SCN1A: variants seen among roughly 807,000 people sequenced by gnomAD.
SCN1A encodes the protein sodium channel protein type 1 subunit alpha.
A neutral mutation model predicts 193.7 loss-of-function variants in SCN1A; 13 were observed. The ratio of observed to expected loss-of-function variants is 0.07; its 90% CI spans 0.04 to 0.11. SCN1A has a LOEUF of 0.11. Ranked by LOEUF, SCN1A falls within the 10% of genes least tolerant of loss-of-function variation. The pLI, the probability that SCN1A is intolerant of heterozygous loss-of-function variation, is 1.00. For synonymous variants in SCN1A, 781 were observed against 843.6 expected, an observed-to-expected ratio of 0.93 and a Z score of 1.29; for missense variants, 1,432 against 2,451.1, an observed-to-expected ratio of 0.58 and a Z score of 8.78.
chr2:166,099,108 CA>C (rs1200965759), intron 2 of SCN1A, among the ~76,000 whole-genome samples: 1 of 152,148 alleles, frequency 6.6e-6, no homozygotes, highest in African/African-American at 2.4e-5. Flanking sequence ...AACTATAATA[CA>C]AGTCTACAGT....
At chr2:166,084,206 A>C (rs1574419591) in intron 2 of SCN1A, among the ~76,000 whole-genome samples, 1 of 143,066 alleles carries the variant, frequency 7.0e-6, no homozygotes, top group Non-Finnish European at 1.5e-5. Flanking sequence ...GCTCTCCTTT[A>C]TTCTCAATTT....
chr2:166,117,767 C>T (rs1007345328), intron 2 of SCN1A, among the ~76,000 whole-genome samples: 2 of 152,096 alleles, frequency 1.3e-5, no homozygotes, highest in Admixed American at 1.3e-4. Context: ...GAGGCCAAGG[C>T]AGGCGGATCA....
chr2:166,015,872 G>A, intron 19 of SCN1A, 145 bp from the exon 20 acceptor site: 1 of 815,982 alleles, frequency 1.2e-6, no homozygotes, highest in Non-Finnish European at 2.0e-6. Context: ...TGAATAAGGG[G>A]AAGAAATAAG....
At chr2:165,998,264 T>G in intron 25 of SCN1A, 89 bp from the exon 26 acceptor site, 1 of 1,133,868 alleles carries the variant, frequency 8.8e-7, no homozygotes, top group Non-Finnish European at 1.3e-6. Flanking sequence ...TAGAAAAAAT[T>G]ATTCTTACTA....
chr2:166,117,525 A>G (rs1473044034), intron 2 of SCN1A, among the ~76,000 whole-genome samples: 1 of 152,178 alleles, frequency 6.6e-6, no homozygotes, highest in African/African-American at 2.4e-5. Flanking sequence ...CACTGTCTTG[A>G]TAAGTGTTAA....
At chr2:166,142,318 T>A (rs1007808398) in intron 1 of SCN1A, among the ~76,000 whole-genome samples, 1 of 152,210 alleles carries the variant, frequency 6.6e-6, no homozygotes, top group Non-Finnish European at 1.5e-5. Context: ...GTCAGGGCAT[T>A]GACTGATAAT....
At chr2:166,033,427 A>G (rs1044496465) in intron 19 of SCN1A, among the ~76,000 whole-genome samples, 22 of 151,750 alleles carry the variant, frequency 1.4e-4, no homozygotes, top group African/African-American at 4.6e-4. Context: ...GTTCTATTTC[A>G]TTGGCCGGGT....
intron 1 of SCN1A, among the ~76,000 whole-genome samples, chr2:166,144,906 C>T (rs1448915906): frequency 6.7e-6 from 1 of 150,236 alleles, no homozygotes; most frequent in African/African-American, 2.5e-5. Context: ...GGCTAGAGTG[C>T]AGTGGCGTGA....
intron 2 of SCN1A, among the ~76,000 whole-genome samples, chr2:166,084,355 A>T (rs1685870525): frequency 6.6e-6 from 1 of 151,710 alleles, no homozygotes; most frequent in South Asian, 2.1e-4. Flanking sequence ...CATGGTCTAG[A>T]AGTAACTTAA....
At chr2:166,049,133 G>A (rs576602881) in intron 9 of SCN1A, among the ~76,000 whole-genome samples, 184 bp from the exon 10 acceptor site, 1 of 86,754 alleles carries the variant, frequency 1.2e-5, no homozygotes, top group Non-Finnish European at 3.3e-5. Flanking sequence ...ATACTTTACA[G>A]TGCAAAGTAT....
At chr2:166,095,915 AATC>A (rs1217836890) in intron 2 of SCN1A, among the ~76,000 whole-genome samples, 2 of 152,226 alleles carry the variant, frequency 1.3e-5, no homozygotes, top group African/African-American at 4.8e-5. Context: ...GATGTCATAA[AATC>A]ATCATTACTT....
chr2:165,987,364 G>A lies in SCN1A; in HGVS notation c.*3881C>T, dbSNP rs1688676651. The A allele has an allele frequency of 2.0e-5, 3 of 152,136 alleles. No homozygotes were observed. The highest frequency in any genetic ancestry group is 2.0e-4 in the Admixed American group (3 of 15,258). 9.4% of individuals were successfully genotyped at this position (152,136 alleles called of 1,614,324 possible). On this transcript the variant is annotated 3_prime_UTR_variant, in exon 29 of 29. Transcript: ENST00000674923. The stretch of plus-strand genomic sequence containing the variant: ...TTTAAATTTTCTACTTAATAGAGAA[G>A]AGATACTTTAAGATGCTATAAATAC...
intron 1 of SCN1A, among the ~76,000 whole-genome samples, chr2:166,133,045 A>G (rs1691721749): frequency 6.6e-6 from 1 of 152,208 alleles, no homozygotes; most frequent in Non-Finnish European, 1.5e-5. Context: ...TATTAAAAGT[A>G]TTTTAAAAAT....
intron 2 of SCN1A, among the ~76,000 whole-genome samples, chr2:166,080,791 G>C (rs920379335): frequency 6.6e-6 from 1 of 151,464 alleles, no homozygotes; most frequent in Non-Finnish European, 1.5e-5. Flanking sequence ...AGAATTATAA[G>C]GAAAAATTTG....
At chr2:166,138,177 T>A (rs1171328569) in intron 1 of SCN1A, among the ~76,000 whole-genome samples, 1 of 152,120 alleles carries the variant, frequency 6.6e-6, no homozygotes, top group Non-Finnish European at 1.5e-5. Flanking sequence ...GTTTGGAAAA[T>A]TTGCAGCCTG....
Position 166,043,915 on chromosome 2 carries a change from C to G in SCN1A, c.1797G>C (p.Glu599Asp). 2 of 1,614,156 alleles carry G rather than the reference C, an allele frequency of 1.2e-6. No homozygotes were observed. Among genetic ancestry groups the G allele is most frequent in the Non-Finnish European group, 1.7e-6 (2 of 1,180,032 alleles). ...DFADDEHSTF[E>D]DNESRRDSLF... ...AGGAATCTCTACGGCTCTCGTTATC[C>G]TCAAAGGTGCTGTGCTCATCATCTG... The change falls in exon 14 of 29, where the codon GAG (glutamate) becomes GAC (aspartate). Residue 599 changes from glutamate to aspartate, a missense_variant. Physicochemically the swap from Glu to Asp is conservative, Grantham distance 45. This residue lies in a region of SCN1A where 316 missense variants were observed against 362.1 expected (regional missense o/e 0.87). Transcript: ENST00000674923.
chr2:166,097,922 A>G (rs1003308414), intron 2 of SCN1A, among the ~76,000 whole-genome samples: 2 of 152,128 alleles, frequency 1.3e-5, no homozygotes, highest in African/African-American at 2.4e-5. Flanking sequence ...GAATTAGAAA[A>G]CTTTTATCTA....
chr2:166,136,988 G>A (rs1307642265), intron 1 of SCN1A, among the ~76,000 whole-genome samples: 1 of 152,148 alleles, frequency 6.6e-6, no homozygotes, highest in African/African-American at 2.4e-5. Context: ...GGACTTGAAA[G>A]TCTTTCCCTC....
intron 6 of SCN1A, among the ~76,000 whole-genome samples, chr2:166,055,231 C>A (rs1699010329): frequency 6.7e-6 from 1 of 149,546 alleles, no homozygotes; most frequent in African/African-American, 2.5e-5. Context: ...TTGCTTGGAA[C>A]AAGGACTTCT....
Sources: allele counts gnomAD v4.1 joint callset (sites outside exome capture counted in the v4.1 genomes callset), GRCh38; gene constraint gnomAD v4.1.1; regional missense constraint gnomAD v4.1.1; transcripts MANE v1.5; gene names NCBI Gene and HGNC (gene_info 2026-07-23, HGNC 2026-07-21).